The following PIK3CA variants were observed in gnomAD, a reference collection of about 807,000 sequenced individuals.
PIK3CA encodes the protein phosphatidylinositol-4,5-bisphosphate 3-kinase catalytic subunit alpha, also known as phosphatidylinositol 4,5-bisphosphate 3-kinase catalytic subunit alpha isoform.
A neutral mutation model predicts 138.2 loss-of-function variants in PIK3CA; 27 were observed. The ratio of observed to expected loss-of-function variants is 0.20; its 90% CI spans 0.14 to 0.27. PIK3CA has a LOEUF of 0.27. Among genes scored for constraint, PIK3CA ranks in the 10% least tolerant of loss-of-function variants. PIK3CA has a pLI of 1.00. For missense variants in PIK3CA, 544 were observed against 1,277.4 expected (o/e 0.43, Z 8.75); for synonymous variants, 358 against 413.2 (o/e 0.87, Z 1.62).
At chr3:179,223,426 ATAC>A (rs1255337024) in intron 14 of PIK3CA, among the ~76,000 whole-genome samples, 1 of 152,204 alleles carries the variant, frequency 6.6e-6, no homozygotes, top group Non-Finnish European at 1.5e-5. Context: ...TTGTAGCCAC[ATAC>A]TAAAACCTGA....
intron 1 of PIK3CA, among the ~76,000 whole-genome samples, chr3:179,185,675 C>A (rs1485668796): frequency 6.6e-6 from 1 of 152,176 alleles, no homozygotes; most frequent in South Asian, 2.1e-4. Context: ...GTTCCCATGA[C>A]CCCCTCCTTG....
chr3:179,166,537 T>G (rs574696080), intron 1 of PIK3CA, among the ~76,000 whole-genome samples: 1 of 152,364 alleles, frequency 6.6e-6, no homozygotes, highest in African/African-American at 2.4e-5. Context: ...CATTTGTCTC[T>G]CACTTTCACA....
chr3:179,224,257 A>G, intron 15 of PIK3CA, 70 bp downstream of exon 15: 1 of 758,292 alleles, frequency 1.3e-6, no homozygotes, highest in Non-Finnish European at 2.2e-6. Context: ...TGAGAAAAGT[A>G]AAAATGTCTG....
At position 179,224,089 on chromosome 3, in the gene PIK3CA, G is replaced by A. The variant is rs773463702; in HGVS notation, c.2196G>A (p.Met732Ile). 6.3e-7 allele frequency: 1 copy of A among 1,583,376 alleles called. No homozygotes were observed. Among genetic ancestry groups the A allele is most frequent in the South Asian group, 1.1e-5 (1 of 90,068 alleles). Residue 732 changes from methionine to isoleucine, a missense_variant, in exon 15 of 21, where the codon ATG becomes ATA. Around this residue, in one of 14 missense-constraint regions of PIK3CA, gnomAD observed 35 missense variants for 49.4 expected, o/e 0.71. Transcript: ENST00000263967. ...EKKDETQKVQ[M>I]KFLVEQMRRP... The stretch of plus-strand genomic sequence containing the variant: ...CCTTTTTTTTTAATCAGGTACAGAT[G>A]AAGTTTTTAGTTGAGCAAATGAGGC...
At chr3:179,164,930 CT>C (rs1470270243) in intron 1 of PIK3CA, among the ~76,000 whole-genome samples, 1 of 151,972 alleles carries the variant, frequency 6.6e-6, no homozygotes, top group African/African-American at 2.4e-5. Context: ...CCCTTTTGAC[CT>C]GCCAAATCCA....
intron 4 of PIK3CA, 21 bp downstream of exon 4, chr3:179,201,561 T>A (rs2108390306): frequency 6.8e-7 from 1 of 1,480,846 alleles, no homozygotes; most frequent in Non-Finnish European, 9.2e-7. Context: ...AGTTTCAAAA[T>A]ATTAATTTTT....
At chr3:179,210,633 A>G (rs1724687422) in intron 9 of PIK3CA, 68 bp downstream of exon 9, 5 of 1,457,968 alleles carry the variant, frequency 3.4e-6, no homozygotes, top group Admixed American at 1.9e-5. Context: ...TACTTTCTCT[A>G]TGGAAAAGGA....
intron 1 of PIK3CA, among the ~76,000 whole-genome samples, chr3:179,185,656 T>TAA (rs1165496803): frequency 6.6e-6 from 1 of 152,242 alleles, no homozygotes; most frequent in Non-Finnish European, 1.5e-5. Flanking sequence ...TGACTGGCTA[T>TAA]AAATCAGCGT....
chr3:179,203,203 G>C (rs1463673665), intron 4 of PIK3CA, among the ~76,000 whole-genome samples: 1 of 152,000 alleles, frequency 6.6e-6, no homozygotes, highest in Non-Finnish European at 1.5e-5. Flanking sequence ...GCCTCCCAAA[G>C]TGCTGGGATT....
chr3:179,154,323 C>G (rs767603990), intron 1 of PIK3CA, among the ~76,000 whole-genome samples: 2 of 152,008 alleles, frequency 1.3e-5, no homozygotes, highest in Non-Finnish European at 2.9e-5. Context: ...TGCCTGTTGT[C>G]GGAGCAGCAG....
intron 9 of PIK3CA, among the ~76,000 whole-genome samples, chr3:179,212,838 C>T (rs1263351986): frequency 6.6e-6 from 1 of 152,110 alleles, no homozygotes; most frequent in Non-Finnish European, 1.5e-5. Context: ...TTTATTTTCA[C>T]TGTCTTACTC....
At chr3:179,170,300 C>T (rs545770956) in intron 1 of PIK3CA, among the ~76,000 whole-genome samples, 150 of 152,156 alleles carry the variant, frequency 9.9e-4, no homozygotes, top group Non-Finnish European at 1.1e-3. Context: ...AAGACATATT[C>T]GCAAATTTTA....
intron 1 of PIK3CA, among the ~76,000 whole-genome samples, chr3:179,196,298 G>A (rs1422276343): frequency 6.6e-6 from 1 of 152,112 alleles, no homozygotes; most frequent in Non-Finnish European, 1.5e-5. Context: ...TGTGGTTTTG[G>A]TTTTGTTTTC....
At chr3:179,186,149 T>C (rs775068953) in intron 1 of PIK3CA, among the ~76,000 whole-genome samples, 3 of 152,192 alleles carry the variant, frequency 2.0e-5, no homozygotes, top group Admixed American at 6.5e-5. Context: ...CTTACCACTT[T>C]GGAGATTCCA....
At position 179,219,302 on chromosome 3, in the gene PIK3CA, G is replaced by C. The variant is rs773356464; in HGVS notation, c.1746+25G>C. 12 of 1,320,840 alleles carry C rather than the reference G, an allele frequency of 9.1e-6. No homozygotes were observed. The East Asian group carries it at 2.8e-4, about 30-fold the overall frequency. The allele number at this position is 1,320,840 out of a possible 1,614,324, so 81.8% of individuals were successfully genotyped here. On this transcript the variant is annotated intron_variant, in intron 11 of 20. Transcript: ENST00000263967. The surrounding 1 kb of genome is among the most constrained non-coding windows in gnomAD (Gnocchi z 4.2). ...GGTAAATGTATGTTTGAGATTACTAGATAACTGTTGTACAAATTGGTATGT... is the reference window on the plus strand; with the variant it reads ...GGTAAATGTATGTTTGAGATTACTACATAACTGTTGTACAAATTGGTATGT...
rs1724950205 is a variant in PIK3CA at position 179,220,930 on chromosome 3, TG to T, written c.2016-55del. 9.5e-7 allele frequency: 1 copy of T among 1,051,640 alleles called. No homozygotes were observed. The highest frequency in any genetic ancestry group is 2.2e-5 in the South Asian group (1 of 45,752). 65.1% of individuals were successfully genotyped at this position (1,051,640 alleles called of 1,614,324 possible). On this transcript the variant is annotated intron_variant, in intron 13 of 20. Transcript: ENST00000263967. This position sits in a 1 kb window ranked among gnomAD's most constrained non-coding sequence, Gnocchi z 4.1. ...TTTAAATTGTTTAGCAAAGATTATT[TG>T]TATACTGATTTAAGACTATATATAT...
chr3:179,163,823 T>C (rs1311376026), intron 1 of PIK3CA, among the ~76,000 whole-genome samples: 1 of 152,138 alleles, frequency 6.6e-6, no homozygotes, highest in Non-Finnish European at 1.5e-5. Context: ...CAGAAGTATT[T>C]TTCTAATGAT....
At chr3:179,170,423 G>A (rs752529511) in intron 1 of PIK3CA, among the ~76,000 whole-genome samples, 6 of 152,126 alleles carry the variant, frequency 3.9e-5, no homozygotes, top group African/African-American at 1.2e-4. Flanking sequence ...ATAGAAATAC[G>A]TTTGTTCATA....
chr3:179,150,362 C>G (rs553720945), intron 1 of PIK3CA, among the ~76,000 whole-genome samples: 32 of 152,116 alleles, frequency 2.1e-4, no homozygotes, highest in Middle Eastern at 6.8e-3. Context: ...ATAATAGCAT[C>G]ATGGGGGAAA....
Sources: allele counts gnomAD v4.1 joint callset (sites outside exome capture counted in the v4.1 genomes callset), GRCh38; gene constraint gnomAD v4.1.1; regional missense constraint gnomAD v4.1.1; non-coding constraint Gnocchi (gnomAD v3.1); transcripts MANE v1.5; gene names NCBI Gene and HGNC (gene_info 2026-07-23, HGNC 2026-07-21).